EPHB4: variants seen among roughly 807,000 people sequenced by gnomAD.
EPHB4 encodes the protein ephrin type-B receptor 4.
Under a neutral mutation model 110.6 loss-of-function variants are expected in EPHB4, and 50 were observed. That is an observed-to-expected ratio of 0.45 (90% CI 0.36 to 0.57). The LOEUF is 0.57. Among genes scored for constraint, EPHB4 ranks in the 20% least tolerant of loss-of-function variants. The pLI is 0.00. For missense variants in EPHB4, 1,128 were observed against 1,382.1 expected, an observed-to-expected ratio of 0.82 and a Z score of 2.91; for synonymous variants, 592 against 578.4, an observed-to-expected ratio of 1.02 and a Z score of -0.34.
Position 100,805,714 on chromosome 7 carries a change from C to T in EPHB4, c.2485-20G>A. 6.9e-7 allele frequency: 1 copy of T among 1,440,538 alleles called. No individual in the cohort carries two copies. Among genetic ancestry groups the T allele is most frequent in the East Asian group, 2.6e-5 (1 of 38,350 alleles). The allele number at this position is 1,440,538 out of a possible 1,614,324, so 89.2% of individuals were successfully genotyped here. On this transcript the variant is annotated intron_variant, in intron 14 of 16. Transcript: ENST00000358173. The stretch of plus-strand genomic sequence containing the variant: ...GATCACCTGGAAAGAGGGGAAGAAG[C>T]TCTGGGTGAGGCTGTCCAGGAAAAG...
Position 100,822,748 on chromosome 7 carries a change from C to T in EPHB4, c.412-81G>A. ...GACTGTTGTGTTCTTCCCAGCTCAC[C>T]CTCCCGGACCTCCTTGGTTCCCGTT... On this transcript the variant is annotated intron_variant, in intron 3 of 16. Coordinates refer to ENST00000358173, the MANE Select transcript of EPHB4 (RefSeq NM_004444.5). This position sits in a 1 kb window ranked among gnomAD's most constrained non-coding sequence, Gnocchi z 4.7. 7.0e-7 allele frequency: 1 copy of T among 1,431,674 alleles called. No individual in the cohort carries two copies. The highest frequency in any genetic ancestry group is 2.5e-5 in the East Asian group (1 of 39,652). 88.7% of individuals were successfully genotyped at this position (1,431,674 alleles called of 1,614,324 possible).
At chr7:100,815,025 A>C (rs925267106) in intron 8 of EPHB4, among the ~76,000 whole-genome samples, 5 of 151,658 alleles carry the variant, frequency 3.3e-5, no homozygotes, top group African/African-American at 1.2e-4. Context: ...TTCAAAACAA[A>C]AACAAAAAAC....
In EPHB4 at chr7:100,805,559, G is replaced by A; in HGVS notation, c.2620C>T (p.Leu874=). Residue 874 remains leucine, a synonymous_variant, in exon 15 of 17, where the codon CTG becomes TTG. Coordinates refer to ENST00000358173, the MANE Select transcript of EPHB4 (RefSeq NM_004444.5). ...RPRFPQVVSA[L]DKMIRNPASL... ...GCGGGGTTCCGGATCATCTTGTCCA[G>A]GGCGCTGACCACCTGGGGGAAGCGG... is the stretch of plus-strand genomic sequence containing the variant. 1 of 1,538,974 alleles carries A rather than the reference G, an allele frequency of 6.5e-7. No homozygotes were observed. Among genetic ancestry groups the A allele is most frequent in the Non-Finnish European group, 8.7e-7 (1 of 1,144,408 alleles).
intron 14 of EPHB4, chr7:100,805,990 C>T (rs559315767): frequency 2.6e-4 from 89 of 336,152 alleles, no homozygotes; most frequent in African/African-American, 1.8e-3. Flanking sequence ...GACAGAGTCT[C>T]GCTCAGTTGC....
At chr7:100,805,854 G>T in intron 14 of EPHB4, 160 bp from the exon 15 acceptor site, 2 of 632,150 alleles carry the variant, frequency 3.2e-6, no homozygotes, top group Non-Finnish European at 2.4e-6. Context: ...GAAGCTCTCT[G>T]TGGCTGAAGG....
At chr7:100,812,433 T>A (rs920774035) in intron 12 of EPHB4, among the ~76,000 whole-genome samples, 2 of 151,624 alleles carry the variant, frequency 1.3e-5, no homozygotes, top group African/African-American at 4.8e-5. Flanking sequence ...CTACTAAAAA[T>A]ACAAAAATTA....
chr7:100,820,351 G>C (rs755821990), intron 4 of EPHB4, 55 bp from the exon 5 acceptor site: 220 of 1,561,302 alleles, frequency 1.4e-4, no homozygotes, highest in Non-Finnish European at 1.6e-4. Flanking sequence ...CATCTGCACG[G>C]TGGGCTCGGT....
At position 100,822,639 on chromosome 7, in the gene EPHB4, G is replaced by A; in HGVS notation, c.440C>T (p.Thr147Ile). ...GGCCTCGGCCCCAGGGCGCTTCCGG[G>A]TGAGATGCTCCGCGGCCACCGTGTC... Reference protein sequence around the residue: ...KVDTVAAEHLTRKRPGAEATG... With the variant: ...KVDTVAAEHLIRKRPGAEATG... The change falls in exon 4 of 17, where the codon ACC becomes ATC. Residue 147 changes from threonine (T) to isoleucine (I), a missense_variant. Physicochemically the swap from Thr to Ile is moderately conservative, Grantham distance 89 (BLOSUM62 -1). This residue lies in a region of EPHB4 where 728 missense variants were observed against 828.6 expected (regional missense o/e 0.88). Transcript: ENST00000358173. This position sits in a 1 kb window ranked among gnomAD's most constrained non-coding sequence, Gnocchi z 4.7. 1 of 1,591,636 alleles carries A rather than the reference G, an allele frequency of 6.3e-7. No individual in the cohort carries two copies. Among genetic ancestry groups the A allele is most frequent in the Non-Finnish European group, 8.6e-7 (1 of 1,166,162 alleles).
rs750453997 is a variant in EPHB4, at chr7:100,807,408, A to C, written c.2291T>G (p.Phe764Cys). 2 of 1,613,862 alleles carry C rather than the reference A, an allele frequency of 1.2e-6. No homozygotes were observed. Among genetic ancestry groups the C allele is most frequent in the African/African-American group, 2.7e-5 (2 of 74,940 alleles). Residue 764 changes from phenylalanine to cysteine, a missense_variant, in exon 13 of 17, where the codon TTC becomes TGC. By Grantham distance (205) the Phe-to-Cys change is radical. Transcript: ENST00000358173. Reference protein sequence around the residue: ...CKVSDFGLSRFLEENSSDPTY... With the variant: ...CKVSDFGLSRCLEENSSDPTY... Reference sequence around the variant, plus strand: ...GGGATCGGAAGAGTTCTCCTCCAGGAATCGGGAAAGGCCAAAGTCAGACAC... The same window carrying C: ...GGGATCGGAAGAGTTCTCCTCCAGGCATCGGGAAAGGCCAAAGTCAGACAC...
chr7:100,809,979 T>A (rs1291321999), intron 12 of EPHB4, among the ~76,000 whole-genome samples: 4 of 152,216 alleles, frequency 2.6e-5, no homozygotes, highest in African/African-American at 9.6e-5. Context: ...CCGGGCATAG[T>A]GGCTCATGCC....
At position 100,822,677 on chromosome 7, in the gene EPHB4, G is replaced by C. The variant is rs538097804; in HGVS notation, c.412-10C>G. Reference sequence around the variant, plus strand: ...CGGCCACCGTGTCCACCTGCCGGCGGGGGGGAGGCACACCGCTGCTGTCCC... The same window carrying C: ...CGGCCACCGTGTCCACCTGCCGGCGCGGGGGAGGCACACCGCTGCTGTCCC... On this transcript the variant is annotated splice_polypyrimidine_tract_variant and intron_variant, in intron 3 of 16. Coordinates refer to ENST00000358173, the MANE Select transcript of EPHB4 (RefSeq NM_004444.5). The surrounding 1 kb of genome is among the most constrained non-coding windows in gnomAD (Gnocchi z 4.7). 40 of 1,542,108 alleles carry C rather than the reference G, an allele frequency of 2.6e-5. No homozygotes were observed. Among genetic ancestry groups the C allele is most frequent in the Non-Finnish European group, 3.3e-5 (38 of 1,140,246 alleles).
At chr7:100,810,522 G>A (rs545925190) in intron 12 of EPHB4, among the ~76,000 whole-genome samples, 1 of 151,694 alleles carries the variant, frequency 6.6e-6, no homozygotes, top group Non-Finnish European at 1.5e-5. Flanking sequence ...AGGGAGGATC[G>A]CTTGAGTCCA....
In EPHB4 at chr7:100,827,175, G is replaced by T. The variant is rs1813430355; in HGVS notation, c.-145C>A. 3 of 761,808 alleles carry T rather than the reference G, an allele frequency of 3.9e-6. No homozygotes were observed. The highest frequency in any genetic ancestry group is 7.7e-5 in the South Asian group (2 of 25,878). 47.2% of individuals were successfully genotyped at this position (761,808 alleles called of 1,614,324 possible). ...TCAGCGCGGGCCCATGCGAGCGTGC[G>T]GGGCACCGGGCGGCGGCGCCAAGTG... On this transcript the variant is annotated 5_prime_UTR_variant, in exon 1 of 17. Coordinates refer to ENST00000358173, the MANE Select transcript of EPHB4 (RefSeq NM_004444.5).
intron 1 of EPHB4, 153 bp downstream of exon 1, chr7:100,826,826 C>T (rs1477181571): frequency 2.7e-6 from 2 of 751,260 alleles, no homozygotes; most frequent in Non-Finnish European, 3.9e-6. Context: ...TTCCCCGCCC[C>T]CCTCCCGTTC....
chr7:100,822,589 G>T lies in EPHB4; in HGVS notation c.490C>A (p.Leu164Met). Residue 164 changes from leucine to methionine, a missense_variant, in exon 4 of 17, where the codon CTG (leucine) becomes ATG (methionine). Leu to Met is a conservative substitution (Grantham distance 15, BLOSUM62 2). This residue lies in a region of EPHB4 where 728 missense variants were observed against 828.6 expected (regional missense o/e 0.88). Transcript: ENST00000358173. This position sits in a 1 kb window ranked among gnomAD's most constrained non-coding sequence, Gnocchi z 4.7. ...EATGKVNVKT[L>M]RLGPLSKAGF... ...GCCTTGCTGAGCGGTCCCAGACGCA[G>T]CGTCTTGACATTCACCTTCCCGGTG... 6.2e-7 allele frequency: 1 copy of T among 1,611,904 alleles called. No individual in the cohort carries two copies. Among genetic ancestry groups the T allele is most frequent in the Non-Finnish European group, 8.5e-7 (1 of 1,179,130 alleles).
chr7:100,808,052 G>C (rs1265710871), intron 12 of EPHB4, among the ~76,000 whole-genome samples: 2 of 152,132 alleles, frequency 1.3e-5, no homozygotes, highest in African/African-American at 2.4e-5. Flanking sequence ...AGTTTTCTCA[G>C]CTCTTGCTAC....
In EPHB4 at chr7:100,813,953, G is replaced by A. The variant is rs776986381; in HGVS notation, c.1657C>T (p.Leu553=). Residue 553 remains leucine, a synonymous_variant, in exon 9 of 17, where the codon CTG becomes TTG. Coordinates refer to ENST00000358173, the MANE Select transcript of EPHB4 (RefSeq NM_004444.5). ...AGAACTGCGACCACAATGACCACCA[G>A]GACCAGGACCACACCCACGACTGCC... ...GTAVVGVVLV[L]VVIVVAVLCL... The A allele has an allele frequency of 5.0e-6, 8 of 1,614,134 alleles. No homozygotes were observed. The highest frequency in any genetic ancestry group is 6.8e-6 in the Non-Finnish European group (8 of 1,180,032).
intron 1 of EPHB4, chr7:100,824,586 G>A (rs1813323897): frequency 8.7e-6 from 3 of 346,408 alleles, no homozygotes; most frequent in Non-Finnish European, 1.1e-5. Flanking sequence ...GGGTTAAAAT[G>A]AGAGCTGCGC....
chr7:100,811,667 C>T (rs1270631353), intron 12 of EPHB4, among the ~76,000 whole-genome samples: 1 of 151,770 alleles, frequency 6.6e-6, no homozygotes, highest in African/African-American at 2.4e-5. Flanking sequence ...GCCAGGAGTT[C>T]AGACCAGCCT....
Sources: allele counts gnomAD v4.1 joint callset (sites outside exome capture counted in the v4.1 genomes callset), GRCh38; gene constraint gnomAD v4.1.1; regional missense constraint gnomAD v4.1.1; non-coding constraint Gnocchi (gnomAD v3.1); transcripts MANE v1.5; gene names NCBI Gene and HGNC (gene_info 2026-07-23, HGNC 2026-07-21).